NRG1: variants seen among roughly 807,000 people sequenced by gnomAD.
NRG1 encodes the protein neuregulin 1.
NRG1 carries 18 observed loss-of-function variants against 63.8 expected under a neutral mutation model. The ratio of observed to expected loss-of-function variants is 0.28; its 90% CI spans 0.19 to 0.42. NRG1 has a LOEUF of 0.42. Ranked by LOEUF, NRG1 falls within the 10% of genes least tolerant of loss-of-function variation. The probability of loss-of-function intolerance (pLI) is 1.00; values close to 1 mark genes in which losing one functional copy is unlikely to be tolerated. For missense variants in NRG1, 762 were observed against 814.7 expected, an observed-to-expected ratio of 0.94 and a Z score of 0.79; for synonymous variants, 302 against 301.3, an observed-to-expected ratio of 1.00 and a Z score of -0.02.
intron 1 of NRG1, among the ~76,000 whole-genome samples, chr8:32,504,108 G>A (rs530137551): frequency 6.6e-6 from 1 of 152,272 alleles, no homozygotes; most frequent in Admixed American, 6.5e-5. Flanking sequence ...CCATGCTTGA[G>A]CCCACTTACC....
chr8:31,676,819 T>C (rs1585592208), intron 1 of NRG1, among the ~76,000 whole-genome samples: 1 of 152,216 alleles, frequency 6.6e-6, no homozygotes, highest in Non-Finnish European at 1.5e-5. Flanking sequence ...TTTAATTTCC[T>C]AATCTGTAAA....
intron 1 of NRG1, among the ~76,000 whole-genome samples, chr8:32,399,974 C>T (rs1052863835): frequency 6.6e-6 from 1 of 152,108 alleles, no homozygotes. Context: ...TTGCCTTCTC[C>T]CCATATCACC....
At chr8:32,605,666 C>A (rs753596475) in exon 3 of NRG1, 7 of 1,613,034 alleles carry the variant, frequency 4.3e-6, no homozygotes, top group Non-Finnish European at 5.9e-6. Context: ...GCCAATATCA[C>A]CATCGTGGAA....
At chr8:31,799,531 T>C (rs1821548058) in intron 1 of NRG1, among the ~76,000 whole-genome samples, 1 of 152,108 alleles carries the variant, frequency 6.6e-6, no homozygotes, top group African/African-American at 2.4e-5. Context: ...TTCCAACCAG[T>C]TAACATGTTG....
rs117347889 is a variant in NRG1, at chr8:32,645,708, A to G, written c.502+28823A>G. Among the ~76,000 whole-genome samples, 1,179 of 152,278 alleles carry G rather than the reference A, an allele frequency of 7.7e-3. 6 individuals carry two copies. Among genetic ancestry groups the G allele is most frequent in the Middle Eastern group, 0.024 (7 of 294 alleles). ...TTTAGAGAGAGTTTTACAGACTCCT[A>G]TTGACATAAGTGAACAAAATGGTTC... is the stretch of plus-strand genomic sequence containing the variant. On this transcript the variant is annotated intron_variant, in intron 5 of 11. Transcript: ENST00000356819.
chr8:31,721,218 A>G (rs1216676322), intron 1 of NRG1, among the ~76,000 whole-genome samples: 1 of 152,102 alleles, frequency 6.6e-6, no homozygotes, highest in Admixed American at 6.5e-5. Context: ...CTTATATGGG[A>G]ATAAAAAAAT....
intron 1 of NRG1, among the ~76,000 whole-genome samples, chr8:31,741,750 G>C (rs539683821): frequency 6.6e-6 from 1 of 152,028 alleles, no homozygotes; most frequent in African/African-American, 2.4e-5. Flanking sequence ...TACTGCTTTG[G>C]GGTATACAAT....
rs139089239 is a variant in NRG1 at position 31,775,134 on chromosome 8, A to G, written c.37+135703A>G. Among the ~76,000 whole-genome samples the G allele has an allele frequency of 1.9e-3, 291 of 152,344 alleles. 2 individuals carry two copies. The highest frequency in any genetic ancestry group is 2.9e-3 in the Non-Finnish European group (199 of 68,036). On this transcript the variant is annotated intron_variant, in intron 1 of 10. Coordinates refer to the NRG1 transcript ENST00000519301. The stretch of plus-strand genomic sequence containing the variant: ...CAAATCATTTTATTAAAAAAGAGAT[A>G]CCTGTACTCATATATTTATCACAGT...
intron 1 of NRG1, among the ~76,000 whole-genome samples, chr8:31,992,416 A>T (rs1197455647): frequency 6.6e-6 from 1 of 151,998 alleles, no homozygotes; most frequent in African/African-American, 2.4e-5. Context: ...AACCATGTGT[A>T]TCACATCCTA....
chr8:32,028,172 C>T (rs896045746), intron 1 of NRG1, among the ~76,000 whole-genome samples: 1 of 152,076 alleles, frequency 6.6e-6, no homozygotes, highest in African/African-American at 2.4e-5. Context: ...ACATGGCTCT[C>T]ATGGTTAGGG....
In NRG1 at chr8:32,447,186, A is replaced by AT. The variant is rs1049884824; in HGVS notation, c.38-148632dup. ...AGGCGCCCACCACCACACCCGGCTA[A>AT]TTTTTTTTTTGTATTTTTAGTAGAG... On this transcript the variant is annotated intron_variant, in intron 1 of 10. Coordinates refer to the NRG1 transcript ENST00000519301. Among the ~76,000 whole-genome samples, 515 of 147,630 alleles carry AT rather than the reference A, an allele frequency of 3.5e-3. 3 individuals carry two copies. The highest frequency in any genetic ancestry group is 0.012 in the African/African-American group (495 of 40,314).
At chr8:32,029,813 A>C (rs966850566) in intron 1 of NRG1, among the ~76,000 whole-genome samples, 2 of 150,402 alleles carry the variant, frequency 1.3e-5, no homozygotes, top group Non-Finnish European at 3.0e-5. Flanking sequence ...TTGTCTCAAT[A>C]ATAATTATGT....
intron 5 of NRG1, among the ~76,000 whole-genome samples, chr8:32,640,070 A>G (rs1852043239): frequency 6.6e-6 from 1 of 152,220 alleles, no homozygotes; most frequent in South Asian, 2.1e-4. Flanking sequence ...GTGCTGCTCT[A>G]TGCCCTGAAC....
intron 1 of NRG1, among the ~76,000 whole-genome samples, chr8:32,140,466 C>CT (rs1212175525): frequency 1.4e-3 from 202 of 144,566 alleles, no homozygotes; most frequent in Middle Eastern, 3.6e-3. Context: ...TTCTTTCTTT[C>CT]TTTTTTTTTT....
At chr8:32,452,245 A>G (rs1227848238) in intron 1 of NRG1, among the ~76,000 whole-genome samples, 1 of 152,214 alleles carries the variant, frequency 6.6e-6, no homozygotes, top group Non-Finnish European at 1.5e-5. Context: ...AAGGGATAAC[A>G]CATGGAATGG....
chr8:32,167,156 G>T (rs902730101), intron 1 of NRG1, among the ~76,000 whole-genome samples: 1 of 152,146 alleles, frequency 6.6e-6, no homozygotes, highest in Non-Finnish European at 1.5e-5. Context: ...TAATCTAAGT[G>T]TAAGTCAAAT....
intron 1 of NRG1, among the ~76,000 whole-genome samples, chr8:32,246,218 T>C (rs1230594499): frequency 3.3e-5 from 5 of 152,220 alleles, no homozygotes; most frequent in African/African-American, 1.2e-4. Flanking sequence ...TGAATTGTTA[T>C]GAGTTTCAGT....
intron 1 of NRG1, among the ~76,000 whole-genome samples, chr8:32,467,496 T>C (rs1823218208): frequency 1.3e-5 from 2 of 152,182 alleles, no homozygotes; most frequent in African/African-American, 2.4e-5. Flanking sequence ...GTCTAACACA[T>C]AGCTGCTGCA....
intron 5 of NRG1, among the ~76,000 whole-genome samples, chr8:32,723,690 A>G (rs1269852484): frequency 2.2e-4 from 2 of 9,260 alleles, no homozygotes; most frequent in Non-Finnish European, 6.9e-4. Context: ...CTCCATCTCA[A>G]AAAAAAAAAA....
Sources: allele counts gnomAD v4.1 joint callset (sites outside exome capture counted in the v4.1 genomes callset), GRCh38; gene constraint gnomAD v4.1.1; transcripts MANE v1.5; gene names NCBI Gene and HGNC (gene_info 2026-07-23, HGNC 2026-07-21).